Variants in PCDHGA5 observed in about 807,000 individuals in gnomAD.
PCDHGA5 encodes the protein protocadherin gamma subfamily A, 5, also known as protocadherin gamma-A5.
PCDHGA5 carries 36 observed loss-of-function variants against 56.7 expected under a neutral mutation model. That is an observed-to-expected ratio of 0.64 (90% confidence interval 0.49 to 0.84). The LOEUF (loss-of-function observed/expected upper bound fraction) is 0.84, where lower values mean the gene tolerates loss of function less well. Among genes scored for constraint, PCDHGA5 ranks in the 40% least tolerant of loss-of-function variants. The pLI is 0.00. For synonymous variants in PCDHGA5, 563 were observed against 520.2 expected, an observed-to-expected ratio of 1.08 and a Z score of -1.12; for missense variants, 1,305 against 1,201.5, an observed-to-expected ratio of 1.09 and a Z score of -1.27.
At chr5:141,413,128 CA>C in intron 1 of PCDHGA5, 1 of 1,534,686 alleles carries the variant, frequency 6.5e-7, no homozygotes, top group Non-Finnish European at 8.8e-7. Flanking sequence ...GGTTGAAACA[CA>C]CAACGTGTCC....
rs1380943019 is a variant in PCDHGA5 at position 141,389,411 on chromosome 5, C to T, written c.2421+22660C>T. ...CCTACGTGTCCATAAGCGCGGAGAG[C>T]GGGGTGGTGTTCGCGCAGCGCGCCT... is the stretch of plus-strand genomic sequence containing the variant. On this transcript the variant is annotated intron_variant, in intron 1 of 3. Coordinates refer to ENST00000518069, the MANE Select transcript of PCDHGA5 (RefSeq NM_018918.3). 8 of 1,613,450 alleles carry T rather than the reference C, an allele frequency of 5.0e-6. No homozygotes were observed. The East Asian group carries it at 6.7e-5, about 13-fold the overall frequency.
At chr5:141,382,104 A>G (rs1777948509) in intron 1 of PCDHGA5, among the ~76,000 whole-genome samples, 1 of 152,108 alleles carries the variant, frequency 6.6e-6, no homozygotes, top group Non-Finnish European at 1.5e-5. Context: ...GTGGGATTAC[A>G]GGCGTGAGCA....
chr5:141,416,006 G>A, intron 1 of PCDHGA5: 1 of 253,216 alleles, frequency 3.9e-6, no homozygotes, highest in Non-Finnish European at 7.3e-6. Context: ...GGTCTGGTAA[G>A]AATAGGTAAG....
rs553276457 is a variant in PCDHGA5 at position 141,480,179 on chromosome 5, G to A, written c.2422-14628G>A. Among the ~76,000 whole-genome samples, 10 of 152,058 alleles carry A rather than the reference G, an allele frequency of 6.6e-5. No individual in the cohort carries two copies. In the South Asian group the frequency reaches 8.3e-4, roughly 13 times the overall value. On this transcript the variant is annotated intron_variant, in intron 1 of 3. Transcript: ENST00000518069. ...AGCATTTTGGGAGGCTGAGGCAGGC[G>A]GATTGCTTGAGGCCAGCAGTTCAAG... is the stretch of plus-strand genomic sequence containing the variant.
At chr5:141,483,064 A>G (rs1245942485) in intron 1 of PCDHGA5, among the ~76,000 whole-genome samples, 2 of 152,142 alleles carry the variant, frequency 1.3e-5, no homozygotes, top group Non-Finnish European at 2.9e-5. Context: ...CAGCATGGGC[A>G]ACAGAGAGAG....
At position 141,487,665 on chromosome 5, in the gene PCDHGA5, G is replaced by C. The variant is rs373971935; in HGVS notation, c.2422-7142G>C. 2.1e-5 allele frequency: 34 copies of C among 1,612,724 alleles called. No homozygotes were observed. In the South Asian group the frequency reaches 3.4e-4, roughly 16 times the overall value. ...ATGCTTGAGGGTTATTCTGATCCAG[G>C]CATATGGCTAGGCCATGTCCTAGAG... On this transcript the variant is annotated intron_variant, in intron 1 of 3. Transcript: ENST00000518069. The surrounding 1 kb of genome is among the most constrained non-coding windows in gnomAD (Gnocchi z 5.0).
rs1205353926 is a variant in PCDHGA5 at position 141,477,969 on chromosome 5, T to A, written c.2422-16838T>A. 6.2e-7 allele frequency: 1 copy of A among 1,613,962 alleles called. No homozygotes were observed. Among genetic ancestry groups the A allele is most frequent in the Non-Finnish European group, 8.5e-7 (1 of 1,180,032 alleles). ...CTCTTGGGATCCCCTAACCAGAGCC[T>A]TTTTGCCATAGGGCTGCACACTGGT... On this transcript the variant is annotated intron_variant, in intron 1 of 3. Coordinates refer to ENST00000518069, the MANE Select transcript of PCDHGA5 (RefSeq NM_018918.3). The surrounding 1 kb of genome is among the most constrained non-coding windows in gnomAD (Gnocchi z 4.9).
chr5:141,431,884 T>A lies in PCDHGA5; in HGVS notation c.2422-62923T>A. ...CCCTTTTAAATGTAAATGACCAAGA[T>A]TCTGAGGAAAACGGACAGGTGATCT... On this transcript the variant is annotated intron_variant, in intron 1 of 3. Transcript: ENST00000518069. This position sits in a 1 kb window ranked among gnomAD's most constrained non-coding sequence, Gnocchi z 4.8. 1.2e-6 allele frequency: 2 copies of A among 1,614,218 alleles called. No individual in the cohort carries two copies. Among genetic ancestry groups the A allele is most frequent in the Non-Finnish European group, 1.7e-6 (2 of 1,180,008 alleles).
intron 1 of PCDHGA5, chr5:141,428,912 T>C (rs1010303812): frequency 6.6e-6 from 1 of 151,946 alleles, no homozygotes; most frequent in Non-Finnish European, 1.5e-5. Context: ...TGGAGTGCAG[T>C]GGCATGATCT....
Position 141,494,920 on chromosome 5 carries a change from G to A in PCDHGA5, c.2480+55G>A, listed in dbSNP as rs1329724849. The A allele has an allele frequency of 1.8e-5, 29 of 1,613,680 alleles. No individual in the cohort carries two copies. The East Asian group carries it at 6.5e-4, about 36-fold the overall frequency. On this transcript the variant is annotated intron_variant, in intron 2 of 3. Coordinates refer to ENST00000518069, the MANE Select transcript of PCDHGA5 (RefSeq NM_018918.3). ...TTCTCTGCGGCATTTTCTCAGGGAT[G>A]ACGTGGGAGGAGATGGGGGAGGGCC...
At chr5:141,392,782 A>G (rs1375306296) in intron 1 of PCDHGA5, 1 of 1,540,122 alleles carries the variant, frequency 6.5e-7, no homozygotes, top group Non-Finnish European at 8.7e-7. Context: ...TGCACAGTGA[A>G]GATTCTGAGA....
chr5:141,415,736 T>G, intron 1 of PCDHGA5: 1 of 1,289,978 alleles, frequency 7.8e-7, no homozygotes, highest in South Asian at 1.8e-5. Context: ...TGATGTTTAT[T>G]AAGGTTTTTT....
chr5:141,409,735 C>G lies in PCDHGA5; in HGVS notation c.2421+42984C>G, dbSNP rs763035733. Reference sequence around the variant, plus strand: ...CATACGTGTCAGTGAGCGCGCAGAGCGGGGTGGTGTTCGCGCAGCGCGCCT... The same window carrying G: ...CATACGTGTCAGTGAGCGCGCAGAGGGGGGTGGTGTTCGCGCAGCGCGCCT... On this transcript the variant is annotated intron_variant, in intron 1 of 3. Transcript: ENST00000518069. The G allele has an allele frequency of 3.7e-6, 6 of 1,613,006 alleles. No homozygotes were observed. The African/African-American group carries it at 8.0e-5, about 22-fold the overall frequency.
chr5:141,414,785 C>A, intron 1 of PCDHGA5: 1 of 1,614,232 alleles, frequency 6.2e-7, no homozygotes, highest in Non-Finnish European at 8.5e-7. Context: ...ATGCAGGTGA[C>A]AGCCAGCGAC....
Position 141,487,945 on chromosome 5 carries a change from G to A in PCDHGA5, c.2422-6862G>A, listed in dbSNP as rs2099669554. ...CAGTGCACAGGGTACAGTGCACCAG[G>A]CAGTCACTTGGACAAAGGTGGCTGT... On this transcript the variant is annotated intron_variant, in intron 1 of 3. Transcript: ENST00000518069. This position sits in a 1 kb window ranked among gnomAD's most constrained non-coding sequence, Gnocchi z 5.0. Among the ~76,000 whole-genome samples the A allele has an allele frequency of 6.6e-6, 1 of 152,198 alleles. No individual in the cohort carries two copies. Among genetic ancestry groups the A allele is most frequent in the Non-Finnish European group, 1.5e-5 (1 of 68,036 alleles).
intron 1 of PCDHGA5, chr5:141,367,592 A>T (rs1303624910): frequency 1.3e-5 from 2 of 152,018 alleles, no homozygotes; most frequent in African/African-American, 2.4e-5. Flanking sequence ...AGTAGATAAA[A>T]TTTATATTAA....
intron 1 of PCDHGA5, chr5:141,385,135 G>A (rs948872903): frequency 6.2e-7 from 1 of 1,614,214 alleles, no homozygotes; most frequent in Admixed American, 1.7e-5. Context: ...CATGGACGGG[G>A]TGCAGGCTTT....
At chr5:141,466,143 C>T (rs2099117622) in intron 1 of PCDHGA5, among the ~76,000 whole-genome samples, 1 of 151,816 alleles carries the variant, frequency 6.6e-6, no homozygotes, top group Admixed American at 6.6e-5. Flanking sequence ...CAAGTGAAAA[C>T]TCTGGTCTTA....
At position 141,403,568 on chromosome 5, in the gene PCDHGA5, ACTGCCCACCAC is replaced by A. The variant is rs758329896; in HGVS notation, c.2421+36821_2421+36831del. On this transcript the variant is annotated intron_variant, in intron 1 of 3. Coordinates refer to ENST00000518069, the MANE Select transcript of PCDHGA5 (RefSeq NM_018918.3). The stretch of plus-strand genomic sequence containing the variant: ...GCGCGCCCTGGACAGGGAGGAGGCA[ACTGCCCACCAC>A]CTGGTCCTCACGGCCTCGGATGGCG... The A allele has an allele frequency of 2.5e-6, 4 of 1,613,918 alleles. No individual in the cohort carries two copies. In the South Asian group the frequency reaches 4.4e-5, roughly 18 times the overall value.
Sources: allele counts gnomAD v4.1 joint callset (sites outside exome capture counted in the v4.1 genomes callset), GRCh38; gene constraint gnomAD v4.1.1; non-coding constraint Gnocchi (gnomAD v3.1); transcripts MANE v1.5; gene names NCBI Gene and HGNC (gene_info 2026-07-23, HGNC 2026-07-21).